Variants in LRMDA observed in about 807,000 individuals in gnomAD.
LRMDA encodes leucine-rich melanocyte differentiation-associated protein.
LRMDA carries 18 observed loss-of-function variants against 29.8 expected under a neutral mutation model. That is an observed-to-expected ratio of 0.60 (90% CI 0.42 to 0.90). The LOEUF (loss-of-function observed/expected upper bound fraction) is 0.90. Ranked by LOEUF, LRMDA falls within the 40% of genes least tolerant of loss-of-function variation. The probability of loss-of-function intolerance (pLI) is 0.00; values close to 1 mark genes in which losing one functional copy is unlikely to be tolerated. For synonymous variants in LRMDA, 125 were observed against 109.4 expected (o/e 1.14, Z -0.89); for missense variants, 273 against 273.9 (o/e 1.00, Z 0.02).
intron 2 of LRMDA, among the ~76,000 whole-genome samples, chr10:75,969,740 C>CT (rs140811393): frequency 2.0e-5 from 3 of 151,952 alleles, no homozygotes; most frequent in South Asian, 2.1e-4. Context: ...CTTCCCTGGA[C>CT]TTTTTTTAGG....
intron 2 of LRMDA, among the ~76,000 whole-genome samples, chr10:75,608,525 G>T (rs192384092): frequency 5.2e-4 from 79 of 152,200 alleles, no homozygotes; most frequent in African/African-American, 1.8e-3. Flanking sequence ...GTGAAGAGAA[G>T]ACTACATTAA....
intron 5 of LRMDA, among the ~76,000 whole-genome samples, chr10:76,078,830 G>A (rs1024764581): frequency 1.3e-5 from 2 of 152,080 alleles, no homozygotes; most frequent in Non-Finnish European, 2.9e-5. Context: ...GCGAGATTCT[G>A]TCTCAAAAAC....
At chr10:76,301,699 G>A (rs1483017333) in intron 5 of LRMDA, among the ~76,000 whole-genome samples, 1 of 152,142 alleles carries the variant, frequency 6.6e-6, no homozygotes, top group Non-Finnish European at 1.5e-5. Flanking sequence ...AAAGTATTAT[G>A]TAAGACCCAA....
intron 6 of LRMDA, among the ~76,000 whole-genome samples, chr10:76,544,850 G>A (rs375230738): frequency 5.3e-5 from 8 of 152,184 alleles, no homozygotes; most frequent in Admixed American, 2.6e-4. Flanking sequence ...TAGTGTCCAA[G>A]AATTATGCTG....
At chr10:76,161,440 G>C (rs948226117) in intron 5 of LRMDA, among the ~76,000 whole-genome samples, 11 of 152,208 alleles carry the variant, frequency 7.2e-5, no homozygotes, top group Admixed American at 4.6e-4. Flanking sequence ...TCACGTGCTA[G>C]AGCCGGTCTT....
chr10:75,462,798 T>C (rs1844602709), intron 2 of LRMDA, among the ~76,000 whole-genome samples: 1 of 152,234 alleles, frequency 6.6e-6, no homozygotes, highest in African/African-American at 2.4e-5. Flanking sequence ...AAGTACAGAA[T>C]TGTCTCAATA....
intron 2 of LRMDA, among the ~76,000 whole-genome samples, chr10:75,918,506 A>C (rs1451779886): frequency 6.6e-6 from 1 of 152,098 alleles, no homozygotes; most frequent in Non-Finnish European, 1.5e-5. Flanking sequence ...GCAGGAACTC[A>C]CTAGGACAGC....
chr10:76,386,530 T>C (rs548757277), intron 6 of LRMDA, among the ~76,000 whole-genome samples: 1 of 152,296 alleles, frequency 6.6e-6, no homozygotes, highest in South Asian at 2.1e-4. Context: ...TCTTTTCAGT[T>C]TTATTTGTCA....
chr10:75,810,207 T>C (rs1843933607), intron 2 of LRMDA, among the ~76,000 whole-genome samples: 1 of 151,996 alleles, frequency 6.6e-6, no homozygotes, highest in Admixed American at 6.6e-5. Flanking sequence ...GGCAGTAGAG[T>C]TGGTGATAGG....
At chr10:75,533,203 G>A (rs34346350) in intron 2 of LRMDA, among the ~76,000 whole-genome samples, 2,718 of 152,328 alleles carry the variant, frequency 0.018, 37 homozygotes, top group Non-Finnish European at 0.026. Context: ...AAAGAACATG[G>A]TAGGAGTTGG....
At chr10:76,173,074 G>T (rs974941152) in intron 5 of LRMDA, among the ~76,000 whole-genome samples, 5 of 152,094 alleles carry the variant, frequency 3.3e-5, no homozygotes, top group African/African-American at 1.2e-4. Flanking sequence ...AAAAGATAAT[G>T]AGCATCAGAC....
At chr10:75,486,217 A>G (rs1844910958) in intron 2 of LRMDA, among the ~76,000 whole-genome samples, 1 of 152,148 alleles carries the variant, frequency 6.6e-6, no homozygotes, top group Non-Finnish European at 1.5e-5. Flanking sequence ...ATTTCTACTT[A>G]TTGGAATTTA....
At chr10:76,369,372 C>G (rs1841427469) in intron 6 of LRMDA, among the ~76,000 whole-genome samples, 1 of 152,094 alleles carries the variant, frequency 6.6e-6, no homozygotes, top group Non-Finnish European at 1.5e-5. Flanking sequence ...ATATATGATG[C>G]TTAGTTTCAC....
intron 2 of LRMDA, among the ~76,000 whole-genome samples, chr10:75,585,061 C>A (rs1406019141): frequency 1.3e-5 from 2 of 152,224 alleles, no homozygotes; most frequent in Admixed American, 1.3e-4. Flanking sequence ...GTGAACACAG[C>A]AGTGTCATCA....
intron 5 of LRMDA, among the ~76,000 whole-genome samples, chr10:76,216,867 C>T (rs901516071): frequency 1.3e-5 from 2 of 151,994 alleles, no homozygotes; most frequent in African/African-American, 4.8e-5. Flanking sequence ...ACCTAAAAAC[C>T]AAAGGTCTAC....
intron 5 of LRMDA, among the ~76,000 whole-genome samples, chr10:76,160,721 A>C (rs1374597237): frequency 6.6e-6 from 1 of 152,190 alleles, no homozygotes; most frequent in Non-Finnish European, 1.5e-5. Flanking sequence ...TTTACAATCT[A>C]TCTCATTGAG....
At chr10:76,155,707 G>T (rs1358434012) in intron 5 of LRMDA, among the ~76,000 whole-genome samples, 1 of 152,002 alleles carries the variant, frequency 6.6e-6, no homozygotes, top group East Asian at 1.9e-4. Context: ...CATCCACGTT[G>T]ATATTGTTTA....
At chr10:76,279,146 G>GCTGA (rs1311643644) in intron 5 of LRMDA, among the ~76,000 whole-genome samples, 1 of 152,170 alleles carries the variant, frequency 6.6e-6, no homozygotes. Context: ...ATAAGGAATT[G>GCTGA]CTGACCAAAT....
intron 5 of LRMDA, among the ~76,000 whole-genome samples, chr10:76,249,927 TG>T (rs1363013239): frequency 6.6e-6 from 1 of 152,144 alleles, no homozygotes; most frequent in Non-Finnish European, 1.5e-5. Flanking sequence ...CTCAGCCTCC[TG>T]GGTAGCTGGG....
Sources: gnomAD v4.1 joint callset for allele counts (sites outside exome capture counted in the v4.1 genomes callset) on GRCh38, gnomAD v4.1.1 for gene constraint, MANE v1.5 for transcripts, NCBI Gene and HGNC (gene_info 2026-07-23, HGNC 2026-07-21) for gene names.